ICA1: variants seen among roughly 807,000 people sequenced by gnomAD.
ICA1 encodes the protein 69 kDa islet cell autoantigen.
In ICA1, 40 loss-of-function variants were observed where a neutral mutation model predicts 71.0. The observed-to-expected ratio is 0.56, with a 90% CI of 0.44 to 0.73. ICA1 has a LOEUF of 0.73. Among genes scored for constraint, ICA1 ranks in the 30% least tolerant of loss-of-function variants. The pLI is 0.00. For synonymous variants in ICA1, 207 were observed against 209.5 expected, an observed-to-expected ratio of 0.99 and a Z score of 0.10; for missense variants, 578 against 576.5, an observed-to-expected ratio of 1.00 and a Z score of -0.03.
intron 13 of ICA1, among the ~76,000 whole-genome samples, chr7:8,117,058 C>A (rs1306987887): frequency 6.6e-6 from 1 of 152,142 alleles, no homozygotes; most frequent in African/African-American, 2.4e-5. Context: ...ATAGTGAATT[C>A]TCGCGAGATC....
rs182125500 is a variant in ICA1, at chr7:8,238,966, A to T, written c.-79-2961T>A. Among the ~76,000 whole-genome samples, 3 of 152,312 alleles carry T rather than the reference A, an allele frequency of 2.0e-5. No individual in the cohort carries two copies. In the East Asian group the frequency reaches 5.8e-4, roughly 29 times the overall value. On this transcript the variant is annotated intron_variant, in intron 1 of 13. Coordinates refer to ENST00000402384, the MANE Select transcript of ICA1 (RefSeq NM_001136020.3). ...GGCTTTGCAAGTCATTCTTAAGCAC[A>T]TTAAAGTATGAGAACCACAGCTAAA...
chr7:8,247,569 A>C (rs1419543126), intron 1 of ICA1, among the ~76,000 whole-genome samples: 1 of 152,254 alleles, frequency 6.6e-6, no homozygotes, highest in East Asian at 1.9e-4. Context: ...AAAGGTACAC[A>C]GAATGCTAAA....
At chr7:8,213,474 C>T (rs553794329) in intron 6 of ICA1, among the ~76,000 whole-genome samples, 5 of 152,262 alleles carry the variant, frequency 3.3e-5, no homozygotes, top group African/African-American at 4.8e-5. Flanking sequence ...CTGGTTTAAT[C>T]CAGAGAGCTG....
intron 6 of ICA1, among the ~76,000 whole-genome samples, chr7:8,162,834 G>T (rs563768386): frequency 9.9e-5 from 15 of 152,186 alleles, no homozygotes; most frequent in Non-Finnish European, 1.9e-4. Context: ...TGCGATCTTG[G>T]CTCACTGCAA....
intron 6 of ICA1, among the ~76,000 whole-genome samples, chr7:8,180,657 C>G (rs1016341392): frequency 6.6e-6 from 1 of 152,104 alleles, no homozygotes; most frequent in African/African-American, 2.4e-5. Context: ...TTGATACTGT[C>G]AGTCCTTTAA....
chr7:8,161,906 T>C (rs1489015619), intron 6 of ICA1, among the ~76,000 whole-genome samples: 4 of 152,220 alleles, frequency 2.6e-5, no homozygotes, highest in East Asian at 1.9e-4. Context: ...ATTGTGGTTA[T>C]AGACAACTGA....
intron 8 of ICA1, among the ~76,000 whole-genome samples, chr7:8,152,637 ATCTCCT>A (rs1799396875): frequency 7.1e-6 from 1 of 141,324 alleles, no homozygotes; most frequent in South Asian, 2.2e-4. Flanking sequence ...CACTACCACC[ATCTCCT>A]CCACCACCAC....
chr7:8,122,919 C>G (rs926922078), intron 13 of ICA1, among the ~76,000 whole-genome samples: 7 of 152,170 alleles, frequency 4.6e-5, no homozygotes, highest in Non-Finnish European at 8.8e-5. Flanking sequence ...TTTCTAGTAT[C>G]AGTGTCTACT....
intron 1 of ICA1, among the ~76,000 whole-genome samples, chr7:8,237,317 T>G (rs932347230): frequency 1.3e-5 from 2 of 152,198 alleles, no homozygotes; most frequent in African/African-American, 4.8e-5. Context: ...TTTACTTTAG[T>G]TAGCTTGAAA....
At chr7:8,208,500 C>T (rs1792432048) in intron 6 of ICA1, among the ~76,000 whole-genome samples, 1 of 152,188 alleles carries the variant, frequency 6.6e-6, no homozygotes, top group South Asian at 2.1e-4. Context: ...GTACAACTGT[C>T]TTCTTTTATA....
At chr7:8,230,454 T>C (rs1034175951) in intron 3 of ICA1, among the ~76,000 whole-genome samples, 1 of 152,184 alleles carries the variant, frequency 6.6e-6, no homozygotes, top group African/African-American at 2.4e-5. Context: ...CCATCCTCTC[T>C]ATAAACATCA....
intron 6 of ICA1, among the ~76,000 whole-genome samples, chr7:8,203,968 C>T (rs929872813): frequency 6.6e-6 from 1 of 151,864 alleles, no homozygotes; most frequent in African/African-American, 2.4e-5. Context: ...TGCCATTTCA[C>T]CTCAAAAAAC....
chr7:8,179,539 A>G (rs1781566465), intron 6 of ICA1, among the ~76,000 whole-genome samples: 1 of 152,242 alleles, frequency 6.6e-6, no homozygotes, highest in Non-Finnish European at 1.5e-5. Flanking sequence ...GAAATGTTGT[A>G]TAACAACTAT....
intron 6 of ICA1, among the ~76,000 whole-genome samples, chr7:8,162,414 G>A (rs892309287): frequency 2.0e-5 from 3 of 152,278 alleles, no homozygotes; most frequent in East Asian, 1.9e-4. Flanking sequence ...ACTGTTGGGC[G>A]TTTTGAATAC....
At position 8,123,580 on chromosome 7, in the gene ICA1, A is replaced by C. The variant is rs1787873511; in HGVS notation, c.1330+4293T>G. Among the ~76,000 whole-genome samples, 1 of 152,202 alleles carries C rather than the reference A, an allele frequency of 6.6e-6. No homozygotes were observed. The highest frequency in any genetic ancestry group is 2.4e-5 in the African/African-American group (1 of 41,444). On this transcript the variant is annotated intron_variant, in intron 13 of 13. Coordinates refer to ENST00000402384, the MANE Select transcript of ICA1 (RefSeq NM_001136020.3). The surrounding 1 kb of genome is among the most constrained non-coding windows in gnomAD (Gnocchi z 4.1). The stretch of plus-strand genomic sequence containing the variant: ...CTGGCACACAGGAACAAGATTTCCT[A>C]GGACAATCTCAATTTCAAATATTCT...
Position 8,143,536 on chromosome 7 carries a change from T to C in ICA1, c.902+339A>G, listed in dbSNP as rs760546076. Among the ~76,000 whole-genome samples, 19 of 152,232 alleles carry C rather than the reference T, an allele frequency of 1.2e-4. No homozygotes were observed. The East Asian group carries it at 1.4e-3, about 11-fold the overall frequency. Reference sequence around the variant, plus strand: ...CATCTAGTGTTGACAAAGGACCAGATAGGGTCCAGAAACCAGAGAAAGTGC... The same window carrying C: ...CATCTAGTGTTGACAAAGGACCAGACAGGGTCCAGAAACCAGAGAAAGTGC... On this transcript the variant is annotated intron_variant, in intron 9 of 13. Transcript: ENST00000402384.
intron 6 of ICA1, among the ~76,000 whole-genome samples, chr7:8,172,422 C>T (rs1192235260): frequency 6.6e-6 from 1 of 152,060 alleles, no homozygotes; most frequent in Non-Finnish European, 1.5e-5. Context: ...AATTTGCAGG[C>T]TATATATTAA....
intron 6 of ICA1, among the ~76,000 whole-genome samples, chr7:8,187,982 T>C (rs1310686007): frequency 2.6e-5 from 4 of 152,212 alleles, no homozygotes; most frequent in Non-Finnish European, 5.9e-5. Flanking sequence ...CCTGAGATTA[T>C]ACTGCTACGA....
At chr7:8,257,673 T>C (rs1810681463) in intron 1 of ICA1, among the ~76,000 whole-genome samples, 1 of 152,220 alleles carries the variant, frequency 6.6e-6, no homozygotes, top group African/African-American at 2.4e-5. Context: ...TATTCTAAAA[T>C]TGAACTCTGC....
Sources: allele counts gnomAD v4.1 joint callset (sites outside exome capture counted in the v4.1 genomes callset), GRCh38; gene constraint gnomAD v4.1.1; non-coding constraint Gnocchi (gnomAD v3.1); transcripts MANE v1.5; gene names NCBI Gene and HGNC (gene_info 2026-07-23, HGNC 2026-07-21).